Variants in TNK2 observed in about 807,000 individuals in gnomAD.
TNK2 encodes activated CDC42 kinase 1.
Under a neutral mutation model 101.8 loss-of-function variants are expected in TNK2, and 83 were observed. That is an observed-to-expected ratio of 0.82 (90% CI 0.68 to 0.98). The LOEUF is 0.98. TNK2 is among the 50% of genes least tolerant of loss of function. The probability of loss-of-function intolerance (pLI) is 0.00; values close to 1 mark genes in which losing one functional copy is unlikely to be tolerated. For missense variants in TNK2, 1,665 were observed against 1,483.2 expected (o/e 1.12, Z -2.01); for synonymous variants, 804 against 633.0 (o/e 1.27, Z -4.06).
chr3:195,881,983 G>C lies in TNK2; in HGVS notation c.887+68C>G, dbSNP rs1753348541. On this transcript the variant is annotated intron_variant, in intron 6 of 15. Transcript: ENST00000672887. ...AAAACCAGGGGCTGTGGTGGGTCCA[G>C]AAAGCCCCAGAAGCTTTGAGGCCTG... The C allele has an allele frequency of 1.9e-6, 3 of 1,544,516 alleles. No homozygotes were observed. In the Admixed American group the frequency reaches 5.5e-5, roughly 28 times the overall value.
rs1750944240 is a variant in TNK2 at position 195,878,944 on chromosome 3, A to G, written c.1014+105T>C. 2 of 1,527,656 alleles carry G rather than the reference A, an allele frequency of 1.3e-6. No homozygotes were observed. The highest frequency in any genetic ancestry group is 2.3e-5 in the East Asian group (1 of 44,176). The allele number at this position is 1,527,656 out of a possible 1,614,324, so 94.6% of individuals were successfully genotyped here. A position where few individuals can be genotyped will look rare whatever the true frequency, so the allele number is the denominator to read the frequency against. The stretch of plus-strand genomic sequence containing the variant: ...AGTGGGGGGAGGCACGGGGCGTGGG[A>G]GGAGGGAGTCCATTGGTGAGAGGCA... On this transcript the variant is annotated intron_variant, in intron 7 of 15. Transcript: ENST00000672887. This position sits in a 1 kb window ranked among gnomAD's most constrained non-coding sequence, Gnocchi z 4.7.
chr3:195,867,555 G>A lies in TNK2; in HGVS notation c.2743C>T (p.Pro915Ser), dbSNP rs1444263058. 6.4e-7 allele frequency: 1 copy of A among 1,559,620 alleles called. No homozygotes were observed. The highest frequency in any genetic ancestry group is 8.6e-7 in the Non-Finnish European group (1 of 1,161,152). ...VPLLLPPPST[P>S]APAAPTATVR... is the part of the protein sequence containing the mutation. ...GTGGCCGTGGGGGCGGCGGGGGCTG[G>A]GGTGCTGGGTGGGGGCAGCAGCAGA... The change falls in exon 13 of 16, where the codon CCA (proline) becomes TCA (serine). Residue 915 changes from proline to serine, a missense_variant. This residue lies in a region of TNK2 where 1,136 missense variants were observed against 894.9 expected (regional missense o/e 1.27). Coordinates refer to ENST00000672887, the MANE Select transcript of TNK2 (RefSeq NM_001382273.1).
Position 195,864,196 on chromosome 3 carries a change from T to C in TNK2, c.3162-9A>G. 4 of 1,613,822 alleles carry C rather than the reference T, an allele frequency of 2.5e-6. No individual in the cohort carries two copies. The highest frequency in any genetic ancestry group is 3.4e-6 in the Non-Finnish European group (4 of 1,179,858). On this transcript the variant is annotated splice_polypyrimidine_tract_variant and intron_variant, in intron 15 of 15. Coordinates refer to ENST00000672887, the MANE Select transcript of TNK2 (RefSeq NM_001382273.1). ...CAGACGCATCTCAGCGCCTAGAGAA[T>C]GGGAAACCACCAGCACAGTTAAACA...
Position 195,886,590 on chromosome 3 carries a change from G to A in TNK2, c.234+387C>T, listed in dbSNP as rs1039045509. Among the ~76,000 whole-genome samples, 73 of 152,246 alleles carry A rather than the reference G, an allele frequency of 4.8e-4. 1 individual carries two copies. The highest frequency in any genetic ancestry group is 1.6e-3 in the African/African-American group (68 of 41,558). On this transcript the variant is annotated intron_variant, in intron 3 of 15. Coordinates refer to ENST00000672887, the MANE Select transcript of TNK2 (RefSeq NM_001382273.1). The surrounding 1 kb of genome is among the most constrained non-coding windows in gnomAD (Gnocchi z 4.2). ...CCCAGAGATTAGAGAGGGTCAGGGAGGAGGGAAGCCAAGCAAAGACGTTCT... is the reference window on the plus strand; with the variant it reads ...CCCAGAGATTAGAGAGGGTCAGGGAAGAGGGAAGCCAAGCAAAGACGTTCT...
Position 195,885,245 on chromosome 3 carries a change from A to G in TNK2, c.235-212T>C. On this transcript the variant is annotated intron_variant, in intron 3 of 15. Transcript: ENST00000672887. The surrounding 1 kb of genome is among the most constrained non-coding windows in gnomAD (Gnocchi z 4.7). ...GAACCCAAAGCCTGATGCTGGCCTC[A>G]AGGAGGGTGCCAGAAAGAGACCGAC... 9.4e-7 allele frequency: 1 copy of G among 1,066,274 alleles called. No individual in the cohort carries two copies. Among genetic ancestry groups the G allele is most frequent in the Non-Finnish European group, 1.3e-6 (1 of 763,428 alleles). 66.1% of individuals were successfully genotyped at this position (1,066,274 alleles called of 1,614,324 possible).
chr3:195,883,207 G>A lies in TNK2; in HGVS notation c.559C>T (p.Arg187Ter), dbSNP rs777800759. 3.7e-6 allele frequency: 6 copies of A among 1,610,600 alleles called. No homozygotes were observed. Among genetic ancestry groups the A allele is most frequent in the Non-Finnish European group, 5.1e-6 (6 of 1,180,002 alleles). ...EVNAMHSLDH[R>*]NLIRLYGVVL... ...ACCCCGTAGAGGCGGATGAGGTTTC[G>A]GTGGTCGAGCGAGTGCATGGCATTG... The change falls in exon 5 of 16, where the codon CGA becomes TGA. Residue 187 changes from arginine to a stop codon, truncating the protein, a stop_gained. Coordinates refer to ENST00000672887, the MANE Select transcript of TNK2 (RefSeq NM_001382273.1). LOFTEE classifies it high-confidence loss of function.
At chr3:195,903,313 T>C (rs1326765999) in intron 1 of TNK2, among the ~76,000 whole-genome samples, 6 of 152,004 alleles carry the variant, frequency 3.9e-5, no homozygotes, top group Non-Finnish European at 7.4e-5. Context: ...GTATTGGGAT[T>C]ACAGGCGTGA....
At chr3:195,887,423 C>T (rs1048822532) in intron 2 of TNK2, among the ~76,000 whole-genome samples, 4 of 152,230 alleles carry the variant, frequency 2.6e-5, no homozygotes, top group African/African-American at 7.2e-5. Flanking sequence ...AAATCAATGT[C>T]TAACTTAGCA....
At chr3:195,891,914 C>G (rs775158565) in intron 1 of TNK2, 54 of 986,866 alleles carry the variant, frequency 5.5e-5, no homozygotes, top group Non-Finnish European at 6.5e-5. Context: ...TAATGCACCT[C>G]TGTTCAGCTG....
rs1207072476 is a variant in TNK2 at position 195,906,183 on chromosome 3, T to C, written c.-19+2302A>G. On this transcript the variant is annotated intron_variant, in intron 1 of 15. Coordinates refer to ENST00000672887, the MANE Select transcript of TNK2 (RefSeq NM_001382273.1). ...CTGACCACATCGAGATGTGGACATATCAAAGACATGGACAAACCAGAACTC... is the reference window on the plus strand; with the variant it reads ...CTGACCACATCGAGATGTGGACATACCAAAGACATGGACAAACCAGAACTC... Among the ~76,000 whole-genome samples, 6 of 152,102 alleles carry C rather than the reference T, an allele frequency of 3.9e-5. No individual in the cohort carries two copies. In the East Asian group the frequency reaches 9.6e-4, roughly 24 times the overall value.
At chr3:195,876,325 C>G (rs1317889429) in intron 9 of TNK2, 1 of 437,980 alleles carries the variant, frequency 2.3e-6, no homozygotes, top group Non-Finnish European at 4.6e-6. Context: ...AGACTCCGCA[C>G]CAGGAAACAA....
At chr3:195,891,956 G>A (rs975956391) in intron 1 of TNK2, 7 of 992,600 alleles carry the variant, frequency 7.1e-6, no homozygotes, top group Non-Finnish European at 8.4e-6. Context: ...CAGCAACAGC[G>A]CAGCTCTGCA....
rs1753375573 is a variant in TNK2, at chr3:195,882,024, T to C, written c.887+27A>G. ...TTGAGGCCTGGGTCTGCAGGGACTC[T>C]GTGAGCTGGCAGCACCTGCCCCTCA... On this transcript the variant is annotated intron_variant, in intron 6 of 15. Transcript: ENST00000672887. This position sits in a 1 kb window ranked among gnomAD's most constrained non-coding sequence, Gnocchi z 4.2. The C allele has an allele frequency of 1.3e-6, 2 of 1,594,704 alleles. No homozygotes were observed. The highest frequency in any genetic ancestry group is 1.7e-5 in the Admixed American group (1 of 59,386).
At chr3:195,874,443 C>G (rs1747700357) in intron 9 of TNK2, among the ~76,000 whole-genome samples, 2 of 152,256 alleles carry the variant, frequency 1.3e-5, no homozygotes, top group South Asian at 4.1e-4. Context: ...AACATGCTTG[C>G]TCCTGGGGGA....
At chr3:195,906,072 G>A (rs935866195) in intron 1 of TNK2, among the ~76,000 whole-genome samples, 3 of 152,168 alleles carry the variant, frequency 2.0e-5, no homozygotes, top group African/African-American at 7.2e-5. Flanking sequence ...ATGAGAAGAT[G>A]CCCGACAACA....
chr3:195,895,596 C>T, intron 1 of TNK2: 3 of 1,311,758 alleles, frequency 2.3e-6, no homozygotes, highest in Non-Finnish European at 2.9e-6. Context: ...AGTGAGCCAG[C>T]TGTGCCAGCC....
intron 1 of TNK2, among the ~76,000 whole-genome samples, chr3:195,906,215 A>G (rs556318529): frequency 6.6e-6 from 1 of 152,384 alleles, no homozygotes; most frequent in East Asian, 1.9e-4. Context: ...ACTCTCATAC[A>G]CAGTGGATGA....
intron 1 of TNK2, chr3:195,892,429 C>A (rs1758924793): frequency 1.3e-6 from 2 of 1,535,370 alleles, no homozygotes; most frequent in African/African-American, 2.7e-5. Flanking sequence ...GGCGTCGCCG[C>A]AGTCTGGCCA....
chr3:195,899,923 C>A (rs1180149340), intron 1 of TNK2, among the ~76,000 whole-genome samples: 1 of 151,996 alleles, frequency 6.6e-6, no homozygotes, highest in Non-Finnish European at 1.5e-5. Context: ...CCAGTGGGTG[C>A]CAGGAACAAG....
Sources: allele counts gnomAD v4.1 joint callset (sites outside exome capture counted in the v4.1 genomes callset), GRCh38; gene constraint gnomAD v4.1.1; regional missense constraint gnomAD v4.1.1; non-coding constraint Gnocchi (gnomAD v3.1); transcripts MANE v1.5; gene names NCBI Gene and HGNC (gene_info 2026-07-23, HGNC 2026-07-21).